ACACA: variants seen among roughly 807,000 people sequenced by gnomAD.
ACACA encodes the protein acetyl-CoA carboxylase 1.
A neutral mutation model predicts 296.1 loss-of-function variants in ACACA; 103 were observed. The observed-to-expected ratio is 0.35, with a 90% confidence interval of 0.30 to 0.41. ACACA has a LOEUF of 0.41. ACACA is among the 10% of genes least tolerant of loss of function. The pLI is 1.00. For synonymous variants in ACACA, 953 were observed against 1,038.6 expected, an observed-to-expected ratio of 0.92 and a Z score of 1.58; for missense variants, 1,554 against 2,989.7, an observed-to-expected ratio of 0.52 and a Z score of 11.20.
chr17:37,174,695 G>T (rs1413757973), intron 41 of ACACA, among the ~76,000 whole-genome samples: 1 of 151,936 alleles, frequency 6.6e-6, no homozygotes, highest in Non-Finnish European at 1.5e-5. Flanking sequence ...ACCACGCCTG[G>T]CTAATTTTTG....
chr17:37,400,649 A>T (rs829159), intron 1 of ACACA, among the ~76,000 whole-genome samples: 19,674 of 152,172 alleles, frequency 0.13, 1,454 homozygotes, highest in East Asian at 0.25. Flanking sequence ...TATTTCACTT[A>T]GCATAATGTC....
Position 37,395,335 on chromosome 17 carries a change from C to A in ACACA, c.38+10927G>T, listed in dbSNP as rs111336079. Among the ~76,000 whole-genome samples, 1,084 of 150,868 alleles carry A rather than the reference C, an allele frequency of 7.2e-3. 14 individuals are homozygous for A. The highest frequency in any genetic ancestry group is 0.025 in the African/African-American group (1,026 of 41,086). ...ATCCCAGCTACTCGGGAGGCTAAGG[C>A]AGGAGAATCGCTTGAACTCAGGAGA... On this transcript the variant is annotated intron_variant, in intron 1 of 55. Transcript: ENST00000616317.
chr17:37,087,895 A>G (rs1044028606), intron 55 of ACACA, among the ~76,000 whole-genome samples: 1 of 152,206 alleles, frequency 6.6e-6, no homozygotes, highest in South Asian at 2.1e-4. Context: ...CATCGTAAAG[A>G]CTGCACCAGA....
In ACACA at chr17:37,130,154, T is replaced by C; in HGVS notation, c.5744A>G (p.Asn1915Ser). 1 of 1,614,166 alleles carries C rather than the reference T, an allele frequency of 6.2e-7. No individual in the cohort carries two copies. Among genetic ancestry groups the C allele is most frequent in the Non-Finnish European group, 8.5e-7 (1 of 1,180,010 alleles). The change falls in exon 46 of 56, where the codon AAT (asparagine) becomes AGT (serine). Residue 1915 changes from asparagine to serine, a missense_variant. Physicochemically the swap from Asn to Ser is conservative, Grantham distance 46. Coordinates refer to ENST00000616317, the MANE Select transcript of ACACA (RefSeq NM_198834.3). ...QLGGIQIMHN[N>S]GVTHCTVCDD... ...ACACACAGTGCAGTGGGTCACCCCA[T>C]TGTTGTGCATAATCTGGATGCCCCC...
rs1296545105 is a variant in ACACA at position 37,097,274 on chromosome 17, C to G, written c.6721-108G>C. 1 of 1,313,328 alleles carries G rather than the reference C, an allele frequency of 7.6e-7. No individual in the cohort carries two copies. Among genetic ancestry groups the G allele is most frequent in the Non-Finnish European group, 1.1e-6 (1 of 941,838 alleles). The allele number at this position is 1,313,328 out of a possible 1,614,324, so 81.4% of individuals were successfully genotyped here. On this transcript the variant is annotated intron_variant, in intron 53 of 55. Coordinates refer to ENST00000616317, the MANE Select transcript of ACACA (RefSeq NM_198834.3). This position sits in a 1 kb window ranked among gnomAD's most constrained non-coding sequence, Gnocchi z 4.8. ...ACTGATTCTCCAGGCAAGCCCTTCA[C>G]AGACCCAAGAGCTGGCTGTAAACTC...
chr17:37,181,080 C>G (rs1441671103), intron 40 of ACACA, 121 bp downstream of exon 40: 1 of 1,032,438 alleles, frequency 9.7e-7, no homozygotes. Flanking sequence ...GAAATGAAAA[C>G]AGTGTCAAGA....
chr17:37,227,859 CAAAA>C (rs60565367), intron 25 of ACACA, among the ~76,000 whole-genome samples: 2 of 102,752 alleles, frequency 1.9e-5, no homozygotes, highest in Non-Finnish European at 2.1e-5. Flanking sequence ...GACTCTGTCT[CAAAA>C]AAAAAAAAAA....
chr17:37,311,415 CACACACACACAAAT>C lies in ACACA; in HGVS notation c.338+18744_338+18757del, dbSNP rs1306358320. Among the ~76,000 whole-genome samples the C allele has an allele frequency of 2.6e-5, 4 of 151,732 alleles. No individual in the cohort carries two copies. The East Asian group carries it at 5.8e-4, about 22-fold the overall frequency. ...GTCAGCATTGTTCTGGGTTACAAAA[CACACACACACAAAT>C]ACACACACACACATACATACATATG... On this transcript the variant is annotated intron_variant, in intron 3 of 55. Transcript: ENST00000616317.
At chr17:37,193,313 C>T in intron 36 of ACACA, 61 bp downstream of exon 36, 6 of 1,300,614 alleles carry the variant, frequency 4.6e-6, no homozygotes, top group Non-Finnish European at 6.6e-6. Context: ...AGATAAGCCG[C>T]TCTTGGGCTT....
intron 1 of ACACA, among the ~76,000 whole-genome samples, chr17:37,391,358 A>T (rs2050876740): frequency 6.6e-6 from 1 of 152,214 alleles, no homozygotes; most frequent in Admixed American, 6.5e-5. Context: ...TTGAGGCTTG[A>T]AGAGGTTATG....
chr17:37,302,133 G>A (rs757979767), intron 3 of ACACA, among the ~76,000 whole-genome samples: 29 of 148,438 alleles, frequency 2.0e-4, no homozygotes, highest in Admixed American at 2.7e-4. Context: ...ACACCACCAC[G>A]CCCAGCTAAT....
At chr17:37,300,590 CAGA>C (rs1430889338) in intron 3 of ACACA, among the ~76,000 whole-genome samples, 1 of 152,042 alleles carries the variant, frequency 6.6e-6, no homozygotes, top group African/African-American at 2.4e-5. Context: ...CCTTCAAAAA[CAGA>C]AGTACACAAA....
rs2051505906 is a variant in ACACA, at chr17:37,406,291, C to G, written c.9G>C (p.Trp3Cys). 3 of 1,614,200 alleles carry G rather than the reference C, an allele frequency of 1.9e-6. No individual in the cohort carries two copies. Among genetic ancestry groups the G allele is most frequent in the Non-Finnish European group, 2.5e-6 (3 of 1,180,020 alleles). ...CCCTCAAGATTGACATCAGAGTAGA[C>G]CACCACATCCTCTCATCATTGCGCC... MW[W>C]STLMSILRAR... Residue 3 changes from tryptophan (W) to cysteine (C), a missense_variant, in exon 1 of 56, where the codon TGG (tryptophan) becomes TGC (cysteine). Around this residue, in one of 16 missense-constraint regions of ACACA, gnomAD observed 140 missense variants for 147.7 expected, o/e 0.95. Coordinates refer to ENST00000616317, the MANE Select transcript of ACACA (RefSeq NM_198834.3).
At chr17:37,108,892 T>C (rs550730041) in intron 52 of ACACA, among the ~76,000 whole-genome samples, 1 of 152,356 alleles carries the variant, frequency 6.6e-6, no homozygotes, top group Admixed American at 6.5e-5. Flanking sequence ...TTTAATTTAG[T>C]TCGGGCTCAG....
intron 55 of ACACA, 132 bp from the exon 56 acceptor site, chr17:37,087,571 G>T: frequency 9.0e-7 from 1 of 1,115,924 alleles, no homozygotes; most frequent in South Asian, 1.3e-5. Context: ...CACCTTATTT[G>T]TTTCCCTATA....
chr17:37,281,285 C>G (rs1045769257), intron 5 of ACACA, among the ~76,000 whole-genome samples: 1 of 151,954 alleles, frequency 6.6e-6, no homozygotes, highest in Non-Finnish European at 1.5e-5. Flanking sequence ...TCCCAAACTC[C>G]TGACCTCAAG....
intron 42 of ACACA, among the ~76,000 whole-genome samples, chr17:37,160,152 G>A (rs1019284829): frequency 1.3e-5 from 2 of 152,186 alleles, no homozygotes; most frequent in African/African-American, 4.8e-5. Flanking sequence ...TCCTGTAAAG[G>A]GAAGGAGGGG....
At chr17:37,385,510 G>C (rs2050487850) in intron 1 of ACACA, among the ~76,000 whole-genome samples, 1 of 151,926 alleles carries the variant, frequency 6.6e-6, no homozygotes, top group South Asian at 2.1e-4. Context: ...AAATCAAGGA[G>C]TACATGAAGC....
chr17:37,096,585 C>T (rs976431526), intron 54 of ACACA, among the ~76,000 whole-genome samples: 8 of 152,178 alleles, frequency 5.3e-5, no homozygotes, highest in East Asian at 3.9e-4. Context: ...GGTATCTTCT[C>T]GCTGTGCTCT....
Sources: allele counts gnomAD v4.1 joint callset (sites outside exome capture counted in the v4.1 genomes callset), GRCh38; gene constraint gnomAD v4.1.1; regional missense constraint gnomAD v4.1.1; non-coding constraint Gnocchi (gnomAD v3.1); transcripts MANE v1.5; gene names NCBI Gene and HGNC (gene_info 2026-07-23, HGNC 2026-07-21).